Variants in CYB5A observed in about 807,000 individuals in gnomAD.
CYB5A encodes cytochrome b5.
CYB5A carries 10 observed loss-of-function variants against 16.2 expected under a neutral mutation model. That is an observed-to-expected ratio of 0.62 (90% CI 0.38 to 1.04). The LOEUF is 1.04. CYB5A is among the 50% of genes least tolerant of loss of function. The probability of loss-of-function intolerance (pLI) is 0.01; values close to 1 mark genes in which losing one functional copy is unlikely to be tolerated. For synonymous variants in CYB5A, 62 were observed against 57.0 expected (o/e 1.09, Z -0.40); for missense variants, 161 against 165.9 (o/e 0.97, Z 0.16).
At chr18:74,260,257 C>T (rs1470883702) in intron 3 of CYB5A, 1 of 153,178 alleles carries the variant, frequency 6.5e-6, no homozygotes, top group Non-Finnish European at 1.5e-5. Context: ...TTTAATTAGA[C>T]ACTAGAAACT....
intron 1 of CYB5A, among the ~76,000 whole-genome samples, chr18:74,283,482 G>A (rs1050688508): frequency 3.6e-4 from 55 of 152,142 alleles, no homozygotes; most frequent in African/African-American, 1.3e-3. Flanking sequence ...CAAGAAACAG[G>A]AATGGCTGTT....
chr18:74,267,986 C>G (rs529486235), intron 1 of CYB5A, among the ~76,000 whole-genome samples: 1 of 152,302 alleles, frequency 6.6e-6, no homozygotes, highest in South Asian at 2.1e-4. Flanking sequence ...GCTGTTTCCA[C>G]GTGAGCTGAC....
intron 2 of CYB5A, among the ~76,000 whole-genome samples, chr18:74,262,455 CAA>C (rs5826311): frequency 3.8e-5 from 5 of 132,234 alleles, no homozygotes; most frequent in Admixed American, 7.7e-5. Context: ...GACTCTGTCT[CAA>C]AAAAAAAAAA....
At chr18:74,261,061 C>A in intron 2 of CYB5A, 117 bp from the exon 3 acceptor site, 1 of 801,748 alleles carries the variant, frequency 1.2e-6, no homozygotes, top group Non-Finnish European at 2.1e-6. Flanking sequence ...ATTTCAGATT[C>A]AACATTTAGC....
chr18:74,281,779 T>TGTGTGTGTGTGTGTGTGTGTGTGTGTG (rs1983119132), intron 1 of CYB5A, among the ~76,000 whole-genome samples: 1 of 90,314 alleles, frequency 1.1e-5, no homozygotes, highest in African/African-American at 5.4e-5. Flanking sequence ...ATGTGTGTGT[T>TGTGTGTGTGTGTGTGTGTGTGTGTGTG]TCAGGGGAGA....
chr18:74,275,486 C>T (rs1308363391), intron 1 of CYB5A, among the ~76,000 whole-genome samples: 2 of 152,186 alleles, frequency 1.3e-5, no homozygotes, highest in Non-Finnish European at 2.9e-5. Flanking sequence ...AGTTATCACA[C>T]AGCTCTGGTG....
At position 74,281,239 on chromosome 18, in the gene CYB5A, C is replaced by T. The variant is rs371131134; in HGVS notation, c.129+10508G>A. On this transcript the variant is annotated intron_variant, in intron 1 of 4. Transcript: ENST00000340533. ...ACATGCAGAGGGAGCAGGTGTGTTT[C>T]CCACGTTAGGGTGAGAAGCCTACTG... Among the ~76,000 whole-genome samples, 24 of 152,306 alleles carry T rather than the reference C, an allele frequency of 1.6e-4. No individual in the cohort carries two copies. In the South Asian group the frequency reaches 3.5e-3, roughly 22 times the overall value.
At chr18:74,255,542 G>A (rs542042011) in intron 4 of CYB5A, among the ~76,000 whole-genome samples, 199 bp downstream of exon 4, 136 of 152,274 alleles carry the variant, frequency 8.9e-4, no homozygotes, top group African/African-American at 2.9e-3. Flanking sequence ...GCTAGATCAC[G>A]TGGCTGTGGA....
intron 2 of CYB5A, among the ~76,000 whole-genome samples, chr18:74,262,274 C>T (rs1165112197): frequency 5.3e-5 from 8 of 151,978 alleles, no homozygotes; most frequent in African/African-American, 1.5e-4. Context: ...GCCAACATGG[C>T]GAAACCCCAT....
intron 2 of CYB5A, among the ~76,000 whole-genome samples, chr18:74,262,872 A>T (rs1272490300): frequency 6.6e-6 from 1 of 152,190 alleles, no homozygotes; most frequent in Non-Finnish European, 1.5e-5. Flanking sequence ...CAACCAGGCC[A>T]GGTGTGGGGG....
chr18:74,256,585 G>C, intron 3 of CYB5A: 1 of 531,648 alleles, frequency 1.9e-6, no homozygotes. Flanking sequence ...CTTGAAAATG[G>C]GTTAAGAAGC....
chr18:74,264,174 G>A (rs1174182248), intron 1 of CYB5A, among the ~76,000 whole-genome samples: 1 of 149,126 alleles, frequency 6.7e-6, no homozygotes, highest in East Asian at 2.0e-4. Context: ...TTGCGCCACT[G>A]CACTCCAGCC....
At chr18:74,278,321 A>T (rs1225206138) in intron 1 of CYB5A, among the ~76,000 whole-genome samples, 1 of 152,206 alleles carries the variant, frequency 6.6e-6, no homozygotes, top group South Asian at 2.1e-4. Context: ...GGCACAGTCT[A>T]TCTGGCAGCT....
chr18:74,273,665 G>T (rs897243128), intron 1 of CYB5A, among the ~76,000 whole-genome samples: 3 of 152,180 alleles, frequency 2.0e-5, no homozygotes, highest in Non-Finnish European at 4.4e-5. Flanking sequence ...TAGCAGTAAG[G>T]ATTTGCTTTA....
intron 1 of CYB5A, among the ~76,000 whole-genome samples, chr18:74,275,022 G>A (rs1982812822): frequency 6.6e-6 from 1 of 152,140 alleles, no homozygotes; most frequent in Non-Finnish European, 1.5e-5. Flanking sequence ...CTCAAGTACT[G>A]TTTTGACCAT....
At chr18:74,289,135 C>A (rs1260165485) in intron 1 of CYB5A, among the ~76,000 whole-genome samples, 1 of 152,136 alleles carries the variant, frequency 6.6e-6, no homozygotes, top group Admixed American at 6.5e-5. Context: ...GGGTCAGCCA[C>A]CCTCTTGTTC....
At chr18:74,262,953 C>T (rs1982268353) in intron 2 of CYB5A, among the ~76,000 whole-genome samples, 1 of 152,014 alleles carries the variant, frequency 6.6e-6, no homozygotes, top group Non-Finnish European at 1.5e-5. Context: ...AGTTTGAGAC[C>T]AGCCTGGGCA....
At chr18:74,282,383 C>T (rs1444233162) in intron 1 of CYB5A, among the ~76,000 whole-genome samples, 1 of 152,040 alleles carries the variant, frequency 6.6e-6, no homozygotes, top group African/African-American at 2.4e-5. Context: ...GAAGGGATCA[C>T]ACTAGTATGC....
At chr18:74,263,230 CAGG>C in intron 2 of CYB5A, 116 bp downstream of exon 2, 1 of 1,255,172 alleles carries the variant, frequency 8.0e-7, no homozygotes, top group Non-Finnish European at 1.1e-6. Context: ...GTCCTAAAAT[CAGG>C]AGTTGTTTTT....
Sources: allele counts gnomAD v4.1 joint callset (sites outside exome capture counted in the v4.1 genomes callset), GRCh38; gene constraint gnomAD v4.1.1; transcripts MANE v1.5; gene names NCBI Gene and HGNC (gene_info 2026-07-23, HGNC 2026-07-21).